Variants in SOX6 observed in about 807,000 individuals in gnomAD.
The protein encoded by SOX6 is SRY-box transcription factor 6.
In SOX6, 11 loss-of-function variants were observed where a neutral mutation model predicts 97.8. The ratio of observed to expected loss-of-function variants is 0.11; its 90% CI spans 0.07 to 0.19. SOX6 has a LOEUF of 0.19. Ranked by LOEUF, SOX6 falls within the 10% of genes least tolerant of loss-of-function variation. The pLI is 1.00. For missense variants in SOX6, 810 were observed against 1,039.5 expected (o/e 0.78, Z 3.04); for synonymous variants, 360 against 371.4 (o/e 0.97, Z 0.35).
intron 3 of SOX6, among the ~76,000 whole-genome samples, chr11:16,295,709 T>A (rs1330160289): frequency 6.6e-6 from 1 of 152,080 alleles, no homozygotes; most frequent in Non-Finnish European, 1.5e-5. Flanking sequence ...CTGTTCCCAT[T>A]CACACCGATT....
intron 2 of SOX6, among the ~76,000 whole-genome samples, chr11:16,722,707 G>A (rs915038834): frequency 1.3e-5 from 2 of 151,740 alleles, no homozygotes; most frequent in African/African-American, 4.8e-5. Context: ...CATACATGCA[G>A]CCAATGAGCA....
At chr11:16,722,077 C>T (rs1848271357) in intron 2 of SOX6, among the ~76,000 whole-genome samples, 1 of 151,958 alleles carries the variant, frequency 6.6e-6, no homozygotes, top group Admixed American at 6.6e-5. Context: ...ACTATAAAAA[C>T]CCTGAAAGAC....
chr11:16,365,943 A>G (rs1341146612), intron 1 of SOX6, among the ~76,000 whole-genome samples: 4 of 152,170 alleles, frequency 2.6e-5, no homozygotes, highest in Non-Finnish European at 4.4e-5. Flanking sequence ...TGGCACAGAC[A>G]TGAGATCACA....
intron 1 of SOX6, among the ~76,000 whole-genome samples, chr11:16,352,003 A>G (rs1856959319): frequency 6.6e-6 from 1 of 152,076 alleles, no homozygotes; most frequent in South Asian, 2.1e-4. Context: ...TTTAAATATT[A>G]TTGAATTAAT....
chr11:16,225,249 A>T (rs1013735493), intron 4 of SOX6, among the ~76,000 whole-genome samples: 4 of 152,166 alleles, frequency 2.6e-5, no homozygotes, highest in Non-Finnish European at 5.9e-5. Flanking sequence ...CTTTGCTATT[A>T]AAAATTTTAT....
At chr11:16,205,230 A>T (rs1039026498) in intron 4 of SOX6, among the ~76,000 whole-genome samples, 3 of 152,164 alleles carry the variant, frequency 2.0e-5, no homozygotes, top group African/African-American at 7.2e-5. Context: ...TAGTTAAGGG[A>T]GGAGATTAAC....
At chr11:16,240,338 G>T (rs1382688528) in intron 3 of SOX6, among the ~76,000 whole-genome samples, 1 of 144,826 alleles carries the variant, frequency 6.9e-6, no homozygotes, top group Non-Finnish European at 1.5e-5. Context: ...TATTGGAAAT[G>T]TAATTAGAAC....
chr11:16,656,022 T>G lies in SOX6; in HGVS notation n.430-43762A>C, dbSNP rs369888998. Among the ~76,000 whole-genome samples the G allele has an allele frequency of 2.2e-4, 34 of 152,198 alleles. No homozygotes were observed. In the East Asian group the frequency reaches 5.6e-3, roughly 25 times the overall value. On this transcript the variant is annotated intron_variant and non_coding_transcript_variant, in intron 3 of 5. Transcript: ENST00000524520. ...ACTTTTTTGTATTTTTCCAGAATTCTGAAATGCCATATTGGCATCCAGGAA... is the reference window on the plus strand; with the variant it reads ...ACTTTTTTGTATTTTTCCAGAATTCGGAAATGCCATATTGGCATCCAGGAA...
intron 6 of SOX6, among the ~76,000 whole-genome samples, chr11:16,123,065 A>T (rs1234265853): frequency 6.6e-6 from 1 of 152,050 alleles, no homozygotes; most frequent in Non-Finnish European, 1.5e-5. Context: ...GAGTACTCCT[A>T]GTACATGTTG....
At chr11:16,563,904 C>T (rs551496887) in intron 4 of SOX6, among the ~76,000 whole-genome samples, 15 of 152,236 alleles carry the variant, frequency 9.9e-5, no homozygotes, top group Non-Finnish European at 1.3e-4. Context: ...ATTCAAATGA[C>T]GCAGATTTCT....
At chr11:16,166,833 T>C (rs1364143222) in intron 6 of SOX6, among the ~76,000 whole-genome samples, 9 of 152,238 alleles carry the variant, frequency 5.9e-5, no homozygotes, top group South Asian at 2.1e-4. Flanking sequence ...TGACAACTGA[T>C]TTGGAGATGT....
chr11:16,738,258 CTGGG>C, intron 1 of SOX6: 1 of 154,254 alleles, frequency 6.5e-6, no homozygotes, highest in East Asian at 1.9e-4. Context: ...GGTTTTTGTC[CTGGG>C]TGGAGGGTAT....
intron 1 of SOX6, among the ~76,000 whole-genome samples, chr11:16,365,403 A>G (rs1857331986): frequency 6.6e-6 from 1 of 151,990 alleles, no homozygotes; most frequent in South Asian, 2.1e-4. Context: ...TAGAGGGCTT[A>G]GAACTTCAGG....
At chr11:16,430,517 C>G (rs1169747064) in intron 1 of SOX6, among the ~76,000 whole-genome samples, 1 of 152,100 alleles carries the variant, frequency 6.6e-6, no homozygotes, top group African/African-American at 2.4e-5. Flanking sequence ...ATCATGGAGG[C>G]AGAGCCCTCT....
chr11:16,638,337 G>C (rs919749425), intron 3 of SOX6, among the ~76,000 whole-genome samples: 3 of 151,958 alleles, frequency 2.0e-5, no homozygotes, highest in Non-Finnish European at 4.4e-5. Flanking sequence ...CCAATTCTTT[G>C]CTACTGTGAA....
At chr11:16,151,722 T>C (rs550512735) in intron 6 of SOX6, among the ~76,000 whole-genome samples, 2 of 152,240 alleles carry the variant, frequency 1.3e-5, no homozygotes, top group Non-Finnish European at 1.5e-5. Context: ...AAAATTACAT[T>C]AAAAACTATG....
chr11:16,523,759 A>T (rs1278713650), intron 4 of SOX6, among the ~76,000 whole-genome samples: 1 of 152,124 alleles, frequency 6.6e-6, no homozygotes, highest in Non-Finnish European at 1.5e-5. Flanking sequence ...GAAAAAAAGA[A>T]AGAAGAATCA....
chr11:16,373,993 A>G (rs1462688378), intron 1 of SOX6, among the ~76,000 whole-genome samples: 3 of 152,012 alleles, frequency 2.0e-5, no homozygotes, highest in East Asian at 3.9e-4. Context: ...AGCCCTCAGT[A>G]TAGCTAATAA....
chr11:16,654,649 T>G (rs1216235055), intron 3 of SOX6, among the ~76,000 whole-genome samples: 1 of 152,142 alleles, frequency 6.6e-6, no homozygotes, highest in East Asian at 1.9e-4. Flanking sequence ...CTGATATATA[T>G]CCATAATAAT....
Sources: allele counts gnomAD v4.1 joint callset (sites outside exome capture counted in the v4.1 genomes callset), GRCh38; gene constraint gnomAD v4.1.1; transcripts MANE v1.5; gene names NCBI Gene and HGNC (gene_info 2026-07-23, HGNC 2026-07-21).